The following CFAP65 variants were observed in gnomAD, a reference collection of about 807,000 sequenced individuals.
CFAP65 encodes cilia and flagella associated protein 65.
CFAP65 carries 155 observed loss-of-function variants against 208.0 expected under a neutral mutation model. That is an observed-to-expected ratio of 0.75 (90% CI 0.65 to 0.85). The LOEUF is 0.85. Among genes scored for constraint, CFAP65 ranks in the 40% least tolerant of loss-of-function variants. The pLI is 0.00. For missense variants in CFAP65, 2,294 were observed against 2,451.3 expected (o/e 0.94, Z 1.36); for synonymous variants, 970 against 986.3 (o/e 0.98, Z 0.31).
rs761594482 is a variant in CFAP65 at position 219,028,363 on chromosome 2, C to T, written c.1689G>A (p.Ser563=). ...LFLDLMGTCH[S]DSTKPAILKP... is the part of the protein sequence containing the mutation. ...TCAGGATGGCTGGCTTGGTGCTGTC[C>T]GAGTGGCAGGTCCCCATCAGGTCCA... The change falls in exon 12 of 35, where the codon TCG becomes TCA. Residue 563 remains serine (S), a synonymous_variant. Transcript: ENST00000341552. 3.7e-5 allele frequency: 59 copies of T among 1,612,992 alleles called. No individual in the cohort carries two copies. The highest frequency in any genetic ancestry group is 4.4e-5 in the Non-Finnish European group (52 of 1,179,918).
intron 21 of CFAP65, chr2:219,015,016 GAGAA>G (rs1946765495): frequency 1.3e-5 from 2 of 148,980 alleles, no homozygotes; most frequent in African/African-American, 5.1e-5. Flanking sequence ...ACACACCTGA[GAGAA>G]AGCGCACAAA....
chr2:219,028,225 G>A lies in CFAP65; in HGVS notation c.1827C>T (p.Asn609=), dbSNP rs199755213. The A allele has an allele frequency of 2.0e-5, 32 of 1,614,080 alleles. No homozygotes were observed. The highest frequency in any genetic ancestry group is 2.3e-5 in the Non-Finnish European group (27 of 1,179,974). ...LKEKKLAQDQ[N]GALMIPIQDL... ...CCTGGATGGGAATCATGAGAGCCCC[G>A]TTCTGGTCCTGTGCCAGCTTCTTCT... Residue 609 remains asparagine, a synonymous_variant, in exon 12 of 35, where the codon AAC becomes AAT. Coordinates refer to ENST00000341552, the MANE Select transcript of CFAP65 (RefSeq NM_194302.4).
intron 22 of CFAP65, 91 bp from the exon 23 acceptor site, chr2:219,013,676 C>T: frequency 1.5e-6 from 2 of 1,329,378 alleles, no homozygotes; most frequent in Non-Finnish European, 1.1e-6. Flanking sequence ...TGGCTTTGAG[C>T]TGGCCAGCCC....
chr2:219,028,319 C>T lies in CFAP65; in HGVS notation c.1733G>A (p.Trp578Ter). Residue 578 changes from tryptophan (W) to a stop codon, truncating the protein, a stop_gained, in exon 12 of 35, where the codon TGG becomes TAG. Transcript: ENST00000341552. LOFTEE classifies it high-confidence loss of function. ...PAILKPQHLT[W>*]YRTHLARGLT... ...GCCCCGGGCCAGGTGTGTGCGGTAC[C>T]AGGTGAGGTGCTGAGGCTTCAGGAT... 1 of 1,614,004 alleles carries T rather than the reference C, an allele frequency of 6.2e-7. No homozygotes were observed. The highest frequency in any genetic ancestry group is 8.5e-7 in the Non-Finnish European group (1 of 1,179,986).
intron 31 of CFAP65, among the ~76,000 whole-genome samples, chr2:219,005,820 G>A (rs569770827): frequency 3.9e-5 from 6 of 152,338 alleles, no homozygotes; most frequent in African/African-American, 1.4e-4. Context: ...GTTCCCCAGG[G>A]GGCTCTGGCT....
At position 219,002,896 on chromosome 2, in the gene CFAP65, G is replaced by A. The variant is rs1383424570; in HGVS notation, c.*41C>T. 6 of 1,506,062 alleles carry A rather than the reference G, an allele frequency of 4.0e-6. No homozygotes were observed. In the East Asian group the frequency reaches 1.4e-4, roughly 36 times the overall value. 93.3% of individuals were successfully genotyped at this position (1,506,062 alleles called of 1,614,324 possible). On this transcript the variant is annotated 3_prime_UTR_variant, in exon 35 of 35. Transcript: ENST00000341552. The surrounding 1 kb of genome is among the most constrained non-coding windows in gnomAD (Gnocchi z 7.9). ...ACTGGCGGTGGAGAGGGGGCCAGGC[G>A]TGACCCCTAGCGGCATGTCGGAGAG... is the stretch of plus-strand genomic sequence containing the variant.
At chr2:219,036,599 C>T (rs867296371) in intron 4 of CFAP65, among the ~76,000 whole-genome samples, 3 of 152,152 alleles carry the variant, frequency 2.0e-5, no homozygotes, top group African/African-American at 7.2e-5. Context: ...CACCCGCCAT[C>T]ATGCCTGGCT....
Position 219,024,020 on chromosome 2 carries a change from G to T in CFAP65, c.2590C>A (p.Leu864Ile), listed in dbSNP as rs140739890. ...YLQCNASPQY[L>I]KEVSMYSREE... ...CCCCTCCCTCTGCCTCCTACCTTGA[G>T]ATACTGGGGGGAAGCATTGCACTGC... The change falls in exon 15 of 35, where the codon CTC (leucine) becomes ATC (isoleucine). Residue 864 changes from leucine to isoleucine, a missense_variant. Physicochemically the swap from Leu to Ile is conservative, Grantham distance 5. Coordinates refer to ENST00000341552, the MANE Select transcript of CFAP65 (RefSeq NM_194302.4). 209 of 1,613,088 alleles carry T rather than the reference G, an allele frequency of 1.3e-4. 2 individuals carry two copies. In the East Asian group the frequency reaches 3.7e-3, roughly 29 times the overall value.
Position 219,004,598 on chromosome 2 carries a change from C to G in CFAP65, c.5052-143G>C. On this transcript the variant is annotated intron_variant, in intron 32 of 34. Coordinates refer to ENST00000341552, the MANE Select transcript of CFAP65 (RefSeq NM_194302.4). This position sits in a 1 kb window ranked among gnomAD's most constrained non-coding sequence, Gnocchi z 4.7. Reference sequence around the variant, plus strand: ...CCCTTGGTCAGTTGTTCCTCCTGTCCCTTCTTTCAAGGAAGACATCTTTGA... The same window carrying G: ...CCCTTGGTCAGTTGTTCCTCCTGTCGCTTCTTTCAAGGAAGACATCTTTGA... The G allele has an allele frequency of 5.9e-6, 5 of 846,604 alleles. 1 individual carries two copies. In the South Asian group the frequency reaches 9.0e-5, roughly 15 times the overall value. 52.4% of individuals were successfully genotyped at this position (846,604 alleles called of 1,614,324 possible). A position where few individuals can be genotyped will look rare whatever the true frequency, so the allele number is the denominator to read the frequency against.
chr2:219,004,924 TCTCTCCTC>T lies in CFAP65; in HGVS notation c.5052-477_5052-470del, dbSNP rs1485129323. Among the ~76,000 whole-genome samples, 2 of 151,222 alleles carry T rather than the reference TCTCTCCTC, an allele frequency of 1.3e-5. No homozygotes were observed. Among genetic ancestry groups the T allele is most frequent in the African/African-American group, 4.9e-5 (2 of 40,848 alleles). ...ATTTCTCTCTTTCTTTCTCTCTCTT[TCTCTCCTC>T]TTTTTTCTTTCTTTCTTTCTTTCTT... is the stretch of plus-strand genomic sequence containing the variant. On this transcript the variant is annotated intron_variant, in intron 32 of 34. Coordinates refer to ENST00000341552, the MANE Select transcript of CFAP65 (RefSeq NM_194302.4). This position sits in a 1 kb window ranked among gnomAD's most constrained non-coding sequence, Gnocchi z 4.7.
intron 16 of CFAP65, among the ~76,000 whole-genome samples, chr2:219,022,577 G>A (rs963196797): frequency 2.6e-5 from 4 of 152,184 alleles, no homozygotes; most frequent in African/African-American, 9.7e-5. Context: ...CAGAGAAGTG[G>A]GGTCCCTTGC....
rs752571190 is a variant in CFAP65 at position 219,035,661 on chromosome 2, C to T, written c.361G>A (p.Ala121Thr). 7.3e-5 allele frequency: 117 copies of T among 1,610,944 alleles called. 2 individuals carry two copies. Among genetic ancestry groups the T allele is most frequent in the South Asian group, 9.9e-5 (9 of 90,726 alleles). ...TGCATCTGAGTGTCCATGGAGCTTG[C>T]GGGCTGTTCAGGTGGCAGGGAGAAG... ...SACSTISAQPASSMDTQMHSP... is the reference protein window; with the variant it reads ...SACSTISAQPTSSMDTQMHSP... The change falls in exon 5 of 35, where the codon GCA becomes ACA. Residue 121 changes from alanine (A) to threonine (T), a missense_variant. Physicochemically the swap from Ala to Thr is moderately conservative, Grantham distance 58 (BLOSUM62 0). Around this residue, in one of 2 missense-constraint regions of CFAP65, gnomAD observed 867 missense variants for 1,012.6 expected, o/e 0.86. Transcript: ENST00000341552.
Position 219,009,432 on chromosome 2 carries a change from A to G in CFAP65, c.4481T>C (p.Val1494Ala). The G allele has an allele frequency of 6.2e-7, 1 of 1,612,596 alleles. No homozygotes were observed. The highest frequency in any genetic ancestry group is 8.5e-7 in the Non-Finnish European group (1 of 1,179,854). Residue 1494 changes from valine to alanine, a missense_variant, in exon 28 of 35, where the codon GTG (valine) becomes GCG (alanine). Transcript: ENST00000341552. ...EVSVSPMIGVVAPEETVPFVV... is the reference protein window; with the variant it reads ...EVSVSPMIGVAAPEETVPFVV... ...AAATGGGACCGTCTCTTCAGGAGCC[A>G]CCACCCCTATCATGGGACTCACAGA...
At chr2:219,022,433 T>C (rs1947330196) in intron 16 of CFAP65, 104 bp from the exon 17 acceptor site, 1 of 1,307,760 alleles carries the variant, frequency 7.6e-7, no homozygotes, top group South Asian at 1.3e-5. Flanking sequence ...GTTAGCCCTT[T>C]CTCAGAATCT....
intron 29 of CFAP65, among the ~76,000 whole-genome samples, chr2:219,008,008 G>A (rs1003285855): frequency 2.0e-5 from 3 of 151,912 alleles, no homozygotes; most frequent in South Asian, 2.1e-4. Flanking sequence ...TAGTAGAGAC[G>A]GGGTTTCACC....
In CFAP65 at chr2:219,021,136, C is replaced by T. The variant is rs1947238618; in HGVS notation, c.3259+16G>A. ...TTTCCCCGGCCCCGACTCTCTATGC[C>T]AGGCAGTCTAGGTACCTCTGTGGGA... On this transcript the variant is annotated intron_variant, in intron 19 of 34. Coordinates refer to ENST00000341552, the MANE Select transcript of CFAP65 (RefSeq NM_194302.4). The T allele has an allele frequency of 1.1e-5, 17 of 1,511,366 alleles. No homozygotes were observed. Among genetic ancestry groups the T allele is most frequent in the South Asian group, 1.4e-5 (1 of 73,422 alleles). The allele number at this position is 1,511,366 out of a possible 1,614,324, so 93.6% of individuals were successfully genotyped here.
intron 29 of CFAP65, among the ~76,000 whole-genome samples, chr2:219,007,905 G>A (rs890458610): frequency 1.4e-4 from 21 of 150,994 alleles, no homozygotes; most frequent in African/African-American, 5.1e-4. Flanking sequence ...TGCAACCTCC[G>A]CCTCCCGGGT....
At chr2:219,029,223 C>T (rs1045792610) in intron 11 of CFAP65, among the ~76,000 whole-genome samples, 180 bp downstream of exon 11, 2 of 152,212 alleles carry the variant, frequency 1.3e-5, no homozygotes, top group Non-Finnish European at 2.9e-5. Context: ...GTGATCTGCC[C>T]TGTGCCCAGG....
At chr2:219,027,223 CTT>C in intron 13 of CFAP65, 1 of 1,311,628 alleles carries the variant, frequency 7.6e-7, no homozygotes, top group Non-Finnish European at 9.7e-7. Context: ...GTCAGAAGCC[CTT>C]TCCATCACAA....
Sources: allele counts gnomAD v4.1 joint callset (sites outside exome capture counted in the v4.1 genomes callset), GRCh38; gene constraint gnomAD v4.1.1; regional missense constraint gnomAD v4.1.1; non-coding constraint Gnocchi (gnomAD v3.1); transcripts MANE v1.5; gene names NCBI Gene and HGNC (gene_info 2026-07-23, HGNC 2026-07-21).